ANTXR1: variants seen among roughly 807,000 people sequenced by gnomAD.
The protein encoded by ANTXR1 is anthrax toxin receptor 1.
ANTXR1 carries 19 observed loss-of-function variants against 78.1 expected under a neutral mutation model. The observed-to-expected ratio is 0.24, with a 90% confidence interval of 0.17 to 0.36. The LOEUF is 0.36. ANTXR1 is among the 10% of genes least tolerant of loss of function. ANTXR1 has a pLI of 1.00. For missense variants in ANTXR1, 518 were observed against 718.6 expected (o/e 0.72, Z 3.19); for synonymous variants, 273 against 260.5 (o/e 1.05, Z -0.46).
chr2:69,079,166 G>T (rs11693022), intron 8 of ANTXR1, among the ~76,000 whole-genome samples: 108,049 of 152,002 alleles, frequency 0.71, 38,974 homozygotes, highest in African/African-American at 0.82. Flanking sequence ...ATTATTGATA[G>T]CATAGAGAAT....
intron 1 of ANTXR1, among the ~76,000 whole-genome samples, chr2:69,021,048 A>C (rs1169647891): frequency 6.6e-6 from 1 of 152,220 alleles, no homozygotes; most frequent in African/African-American, 2.4e-5. Flanking sequence ...AGGATTTGGG[A>C]AAGGGGCCAA....
At position 69,245,759 on chromosome 2, in the gene ANTXR1, G is replaced by A; in HGVS notation, c.*274G>A. ...TCCAGAGACAGTGAAACTGCAAGAT[G>A]CTCTCAACAGGATTATGTCTCATGG... is the stretch of plus-strand genomic sequence containing the variant. On this transcript the variant is annotated 3_prime_UTR_variant, in exon 18 of 18. Coordinates refer to ENST00000303714, the MANE Select transcript of ANTXR1 (RefSeq NM_032208.3). 2 of 434,502 alleles carry A rather than the reference G, an allele frequency of 4.6e-6. No homozygotes were observed. Among genetic ancestry groups the A allele is most frequent in the Non-Finnish European group, 4.1e-6 (1 of 243,554 alleles). 26.9% of individuals were successfully genotyped at this position (434,502 alleles called of 1,614,324 possible).
chr2:69,226,471 C>T (rs376100983), intron 17 of ANTXR1, among the ~76,000 whole-genome samples: 3 of 152,026 alleles, frequency 2.0e-5, no homozygotes, highest in South Asian at 2.1e-4. Context: ...CCTCATCAAG[C>T]GGTAGGAAAT....
chr2:69,041,322 A>C (rs1669609886), intron 2 of ANTXR1, among the ~76,000 whole-genome samples: 1 of 152,210 alleles, frequency 6.6e-6, no homozygotes, highest in Non-Finnish European at 1.5e-5. Context: ...TTGAGGCAAA[A>C]GTCCAATAGT....
chr2:69,201,969 A>G (rs918627847), intron 17 of ANTXR1, among the ~76,000 whole-genome samples: 1 of 152,126 alleles, frequency 6.6e-6, no homozygotes, highest in Non-Finnish European at 1.5e-5. Flanking sequence ...CTGCGAGTAC[A>G]TGCCTCCTTA....
At chr2:69,065,803 TTTAA>T (rs1433095518) in intron 3 of ANTXR1, among the ~76,000 whole-genome samples, 1 of 152,222 alleles carries the variant, frequency 6.6e-6, no homozygotes, top group African/African-American at 2.4e-5. Context: ...GCAAAATGTC[TTTAA>T]TTAATCTGTG....
intron 10 of ANTXR1, among the ~76,000 whole-genome samples, chr2:69,116,956 ACTTT>A (rs1385304378): frequency 6.6e-6 from 1 of 152,198 alleles, no homozygotes; most frequent in African/African-American, 2.4e-5. Flanking sequence ...AATTCTGGGA[ACTTT>A]CTTCTTTGCC....
intron 17 of ANTXR1, among the ~76,000 whole-genome samples, chr2:69,239,552 CA>C (rs973390326): frequency 3.4e-5 from 5 of 148,802 alleles, no homozygotes; most frequent in Admixed American, 6.7e-5. Flanking sequence ...GACTCCATCT[CA>C]AAAAAAAAAT....
chr2:69,205,063 G>A (rs753620267), intron 17 of ANTXR1, among the ~76,000 whole-genome samples: 2 of 152,216 alleles, frequency 1.3e-5, no homozygotes, highest in Non-Finnish European at 2.9e-5. Context: ...CCCTTGTGGA[G>A]TGTACACTGG....
At chr2:69,145,261 T>C in intron 12 of ANTXR1, 1 of 1,520,358 alleles carries the variant, frequency 6.6e-7, no homozygotes, top group Non-Finnish European at 8.9e-7. Context: ...TGCTAGGCCC[T>C]TCTAAGGCCA....
intron 13 of ANTXR1, among the ~76,000 whole-genome samples, chr2:69,169,372 T>TGGAA (rs776147867): frequency 6.6e-6 from 1 of 152,172 alleles, no homozygotes; most frequent in African/African-American, 2.4e-5. Flanking sequence ...AGGCACAGAG[T>TGGAA]GGAATTATAG....
At chr2:69,045,860 AC>A (rs1669752202) in intron 3 of ANTXR1, among the ~76,000 whole-genome samples, 1 of 152,118 alleles carries the variant, frequency 6.6e-6, no homozygotes, top group Non-Finnish European at 1.5e-5. Context: ...TCCCTTATTA[AC>A]AGAAGGAGAA....
intron 12 of ANTXR1, among the ~76,000 whole-genome samples, chr2:69,140,345 C>T (rs190021486): frequency 6.6e-6 from 1 of 152,334 alleles, no homozygotes; most frequent in Admixed American, 6.5e-5. Context: ...GATTTCTGCT[C>T]CTTCAACGGA....
chr2:69,145,838 G>A, intron 12 of ANTXR1: 1 of 987,348 alleles, frequency 1.0e-6, no homozygotes, highest in Non-Finnish European at 1.2e-6. Context: ...AACAAGCCCT[G>A]GCAAGATATT....
At chr2:69,172,384 A>C in intron 14 of ANTXR1, 1 of 1,612,434 alleles carries the variant, frequency 6.2e-7, no homozygotes. Flanking sequence ...AAATAAAATA[A>C]CAAGAAGAAG....
At chr2:69,102,075 A>C (rs10865377) in intron 9 of ANTXR1, among the ~76,000 whole-genome samples, 130,555 of 152,262 alleles carry the variant, frequency 0.86, 56,281 homozygotes, top group African/African-American at 0.93. Context: ...GCAGAGACAA[A>C]TGAGTACTAC....
In ANTXR1 at chr2:69,044,763, T is replaced by C. The variant is rs1669714706; in HGVS notation, c.246T>C (p.Phe82=). The C allele has an allele frequency of 6.2e-7, 1 of 1,613,790 alleles. No individual in the cohort carries two copies. The highest frequency in any genetic ancestry group is 1.3e-5 in the African/African-American group (1 of 74,900). The part of the protein sequence containing the change: ...KFISPQLRMS[F]IVFSTRGTTL... ...CCAGCCCACAGTTGAGAATGTCCTTTATTGTTTTCTCCACCCGAGGAACAA... is the reference window on the plus strand; with the variant it reads ...CCAGCCCACAGTTGAGAATGTCCTTCATTGTTTTCTCCACCCGAGGAACAA... Residue 82 remains phenylalanine (F), a synonymous_variant, in exon 3 of 18, where the codon TTT becomes TTC. Coordinates refer to ENST00000303714, the MANE Select transcript of ANTXR1 (RefSeq NM_032208.3).
At chr2:69,232,744 T>C (rs1675654186) in intron 17 of ANTXR1, among the ~76,000 whole-genome samples, 1 of 152,106 alleles carries the variant, frequency 6.6e-6, no homozygotes, top group South Asian at 2.1e-4. Flanking sequence ...GAAACAAATC[T>C]ACAGACAGCA....
At chr2:69,222,122 A>G (rs1391240391) in intron 17 of ANTXR1, among the ~76,000 whole-genome samples, 1 of 152,200 alleles carries the variant, frequency 6.6e-6, no homozygotes, top group Non-Finnish European at 1.5e-5. Flanking sequence ...TCTGTGGCCC[A>G]GGTCTCCCAG....
Sources: gnomAD v4.1 joint callset for allele counts (sites outside exome capture counted in the v4.1 genomes callset) on GRCh38, gnomAD v4.1.1 for gene constraint, MANE v1.5 for transcripts, NCBI Gene and HGNC (gene_info 2026-07-23, HGNC 2026-07-21) for gene names.